Variants in ME1 observed in about 807,000 individuals in gnomAD.
ME1 encodes the protein malic enzyme 1.
A neutral mutation model predicts 66.4 loss-of-function variants in ME1; 74 were observed. That is an observed-to-expected ratio of 1.11 (90% CI 0.92 to 1.35). ME1 has a LOEUF of 1.35. ME1 is among the 40% of genes most tolerant of loss of function. ME1 has a pLI of 0.00. For synonymous variants in ME1, 251 were observed against 235.6 expected (o/e 1.07, Z -0.60); for missense variants, 750 against 694.1 (o/e 1.08, Z -0.90).
At chr6:83,389,009 C>G (rs1260318997) in intron 3 of ME1, among the ~76,000 whole-genome samples, 2 of 152,082 alleles carry the variant, frequency 1.3e-5, no homozygotes, top group African/African-American at 4.8e-5. Flanking sequence ...ATCCTAGCTA[C>G]TTGGGAGGCT....
At chr6:83,343,121 C>T (rs1768620575) in intron 5 of ME1, among the ~76,000 whole-genome samples, 2 of 152,142 alleles carry the variant, frequency 1.3e-5, no homozygotes, top group Non-Finnish European at 2.9e-5. Flanking sequence ...CTTCAATTGA[C>T]ATATTTGTAC....
At chr6:83,320,932 C>T (rs1252663736) in intron 5 of ME1, among the ~76,000 whole-genome samples, 1 of 152,154 alleles carries the variant, frequency 6.6e-6, no homozygotes, top group Non-Finnish European at 1.5e-5. Context: ...TGGGTGATTT[C>T]TGCATTTCCA....
chr6:83,283,404 C>G (rs1767342327), intron 6 of ME1, among the ~76,000 whole-genome samples: 1 of 151,424 alleles, frequency 6.6e-6, no homozygotes, highest in South Asian at 2.1e-4. Context: ...GGTAACATCA[C>G]ACACCAGGAC....
At chr6:83,334,055 C>CG (rs1192081090) in intron 5 of ME1, among the ~76,000 whole-genome samples, 1 of 152,060 alleles carries the variant, frequency 6.6e-6, no homozygotes, top group Non-Finnish European at 1.5e-5. Context: ...TCTGAGGTAC[C>CG]GGGTTCTTCT....
At chr6:83,312,917 CTAA>C (rs1767957887) in intron 6 of ME1, among the ~76,000 whole-genome samples, 1 of 152,126 alleles carries the variant, frequency 6.6e-6, no homozygotes, top group Admixed American at 6.6e-5. Flanking sequence ...CCATGCCTGG[CTAA>C]TGTTTTTGTA....
At chr6:83,373,181 T>G (rs1769224972) in intron 3 of ME1, among the ~76,000 whole-genome samples, 1 of 152,230 alleles carries the variant, frequency 6.6e-6, no homozygotes, top group Non-Finnish European at 1.5e-5. Flanking sequence ...TCCTGTATCT[T>G]TGTCCAAAGG....
chr6:83,267,012 C>A (rs1409001922), intron 6 of ME1, among the ~76,000 whole-genome samples: 2 of 152,128 alleles, frequency 1.3e-5, no homozygotes, highest in Non-Finnish European at 2.9e-5. Context: ...AACTTCGTCT[C>A]TGCAAAATTG....
rs147430603 is a variant in ME1 at position 83,226,213 on chromosome 6, A to G, written c.1275+1122T>C. On this transcript the variant is annotated intron_variant, in intron 11 of 13. Transcript: ENST00000369705. ...ATAGAACATTAGGCAAGATGATAAG[A>G]AAGAGTTGAGGCATACATTTATATC... Among the ~76,000 whole-genome samples the G allele has an allele frequency of 3.3e-3, 508 of 152,298 alleles. 2 individuals are homozygous for G. Among genetic ancestry groups the G allele is most frequent in the African/African-American group, 0.011 (464 of 41,576 alleles).
At position 83,283,128 on chromosome 6, in the gene ME1, T is replaced by C. The variant is rs561289127; in HGVS notation, c.705-29390A>G. Among the ~76,000 whole-genome samples, 8 of 144,586 alleles carry C rather than the reference T, an allele frequency of 5.5e-5. No homozygotes were observed. The East Asian group carries it at 1.6e-3, about 29-fold the overall frequency. 94.9% of individuals were successfully genotyped at this position (144,586 alleles called of 152,430 possible). On this transcript the variant is annotated intron_variant, in intron 6 of 13. Transcript: ENST00000369705. ...CTGTAGTCCCAGCTACTCGGGAGGCTGAGGCAGGAGAATGGCGTGAACCCG... is the reference window on the plus strand; with the variant it reads ...CTGTAGTCCCAGCTACTCGGGAGGCCGAGGCAGGAGAATGGCGTGAACCCG...
At chr6:83,414,467 A>C (rs1360244229) in intron 1 of ME1, among the ~76,000 whole-genome samples, 1 of 152,168 alleles carries the variant, frequency 6.6e-6, no homozygotes, top group East Asian at 1.9e-4. Context: ...AAATATATTC[A>C]GCTAAGTCTT....
chr6:83,400,496 T>G (rs1349065113), intron 2 of ME1, among the ~76,000 whole-genome samples: 4 of 152,182 alleles, frequency 2.6e-5, no homozygotes, highest in African/African-American at 7.2e-5. Context: ...CATACTCCTC[T>G]TCTCTGAAAG....
intron 12 of ME1, among the ~76,000 whole-genome samples, chr6:83,218,734 C>G (rs1427829217): frequency 2.6e-5 from 4 of 152,196 alleles, no homozygotes; most frequent in Non-Finnish European, 4.4e-5. Context: ...GCCCTTCCTT[C>G]TTTTCTCCAA....
intron 3 of ME1, among the ~76,000 whole-genome samples, chr6:83,386,978 C>T (rs1374514884): frequency 6.6e-6 from 1 of 151,892 alleles, no homozygotes; most frequent in African/African-American, 2.4e-5. Context: ...TGATAAAGTA[C>T]CCAGTTTATG....
At chr6:83,225,836 A>ATC (rs1258513508) in intron 11 of ME1, among the ~76,000 whole-genome samples, 91 of 141,686 alleles carry the variant, frequency 6.4e-4, no homozygotes, top group Non-Finnish European at 1.0e-3. Flanking sequence ...ATATATATAT[A>ATC]TCTCCCCCAC....
chr6:83,393,381 C>G, intron 3 of ME1: 2 of 771,904 alleles, frequency 2.6e-6, no homozygotes, highest in Non-Finnish European at 4.4e-6. Context: ...TGGTGGACCT[C>G]TGCCCACAGT....
At chr6:83,314,901 T>G (rs1144180) in intron 6 of ME1, among the ~76,000 whole-genome samples, 27,190 of 152,104 alleles carry the variant, frequency 0.18, 3,073 homozygotes, top group Middle Eastern at 0.37. Flanking sequence ...TTGTGGCTGG[T>G]GGTTGACCAT....
chr6:83,265,622 G>C (rs971167099), intron 6 of ME1, among the ~76,000 whole-genome samples: 7 of 152,066 alleles, frequency 4.6e-5, no homozygotes, highest in Non-Finnish European at 7.4e-5. Flanking sequence ...TTTTCACTGA[G>C]AAACCAAAAA....
intron 6 of ME1, among the ~76,000 whole-genome samples, chr6:83,307,072 T>C (rs940183216): frequency 3.3e-5 from 5 of 152,146 alleles, no homozygotes; most frequent in Non-Finnish European, 7.4e-5. Flanking sequence ...ACTGGGATAC[T>C]GACAGGGATG....
At chr6:83,415,479 T>C (rs573939244) in intron 1 of ME1, among the ~76,000 whole-genome samples, 1 of 152,346 alleles carries the variant, frequency 6.6e-6, no homozygotes, top group South Asian at 2.1e-4. Flanking sequence ...AATGTCGGGA[T>C]GGAGCAGGGC....
Sources: allele counts gnomAD v4.1 joint callset (sites outside exome capture counted in the v4.1 genomes callset), GRCh38; gene constraint gnomAD v4.1.1; transcripts MANE v1.5; gene names NCBI Gene and HGNC (gene_info 2026-07-23, HGNC 2026-07-21).